TENM3: variants seen among roughly 807,000 people sequenced by gnomAD.
TENM3 encodes teneurin-3.
In TENM3, 63 loss-of-function variants were observed where a neutral mutation model predicts 255.1. The ratio of observed to expected loss-of-function variants is 0.25; its 90% CI spans 0.20 to 0.30. TENM3 has a LOEUF of 0.30. TENM3 is among the 10% of genes least tolerant of loss of function. TENM3 has a pLI of 1.00. For synonymous variants in TENM3, 1,306 were observed against 1,322.3 expected (o/e 0.99, Z 0.27); for missense variants, 2,929 against 3,461.1 (o/e 0.85, Z 3.86).
At chr4:182,534,807 GA>G (rs954237575) in intron 3 of TENM3, among the ~76,000 whole-genome samples, 2 of 152,298 alleles carry the variant, frequency 1.3e-5, no homozygotes, top group African/African-American at 4.8e-5. Flanking sequence ...CGTGGATTTG[GA>G]AAGTGGGATC....
chr4:181,664,660 G>C, the TENM3 span, among the ~76,000 whole-genome samples: 6 of 152,164 alleles, frequency 3.9e-5, no homozygotes, highest in Admixed American at 3.9e-4. Flanking sequence ...CCAAACCTTA[G>C]CACATGGCTT....
chr4:181,652,487 T>A, the TENM3 span, among the ~76,000 whole-genome samples: 1 of 152,212 alleles, frequency 6.6e-6, no homozygotes, highest in Non-Finnish European at 1.5e-5. Context: ...GCTCTTCATC[T>A]TACATTTGTA....
At chr4:181,595,922 G>C in the TENM3 span, among the ~76,000 whole-genome samples, 17 of 152,124 alleles carry the variant, frequency 1.1e-4, no homozygotes, top group African/African-American at 4.8e-5. Flanking sequence ...CCACTCATGC[G>C]AGAGTGCTCC....
chr4:182,511,879 G>A (rs527981025), intron 3 of TENM3, among the ~76,000 whole-genome samples: 4 of 152,238 alleles, frequency 2.6e-5, no homozygotes, highest in Middle Eastern at 3.4e-3. Context: ...TGCTTTACAT[G>A]TATTATATCA....
chr4:182,796,891 G>A, intron 27 of TENM3, 124 bp downstream of exon 27: 2 of 710,860 alleles, frequency 2.8e-6, no homozygotes, highest in Non-Finnish European at 4.2e-6. Context: ...ACTGTTTTAG[G>A]GAAAAAAAAC....
intron 3 of TENM3, among the ~76,000 whole-genome samples, chr4:182,442,477 C>T (rs1206023717): frequency 6.6e-6 from 1 of 152,192 alleles, no homozygotes; most frequent in African/African-American, 2.4e-5. Flanking sequence ...CACCACTGCA[C>T]TAGTCACCAA....
the TENM3 span, among the ~76,000 whole-genome samples, chr4:181,712,585 T>C: frequency 1.3e-5 from 2 of 152,232 alleles, no homozygotes; most frequent in East Asian, 1.9e-4. Context: ...TATTTCTATA[T>C]AGCAATGAGA....
At chr4:181,914,100 A>G in the TENM3 span, among the ~76,000 whole-genome samples, 1 of 152,196 alleles carries the variant, frequency 6.6e-6, no homozygotes, top group African/African-American at 2.4e-5. Context: ...TATCTTTCTA[A>G]AAGCCAAATT....
At chr4:181,629,593 T>C in the TENM3 span, among the ~76,000 whole-genome samples, 3 of 152,212 alleles carry the variant, frequency 2.0e-5, no homozygotes, top group African/African-American at 7.2e-5. Context: ...ATTGAGAAAA[T>C]CACGTGGTTT....
At chr4:182,415,291 G>A (rs915982751) in intron 3 of TENM3, among the ~76,000 whole-genome samples, 16 of 152,192 alleles carry the variant, frequency 1.1e-4, no homozygotes, top group African/African-American at 3.9e-4. Flanking sequence ...AGAGAATGTA[G>A]CATTTCAAAT....
chr4:182,052,086 C>A, the TENM3 span, among the ~76,000 whole-genome samples: 2 of 152,068 alleles, frequency 1.3e-5, no homozygotes, highest in African/African-American at 2.4e-5. Context: ...TAGAGAAGTC[C>A]CCACAGCAAA....
the TENM3 span, among the ~76,000 whole-genome samples, chr4:181,531,798 G>C: frequency 6.6e-6 from 1 of 152,236 alleles, no homozygotes; most frequent in Non-Finnish European, 1.5e-5. Context: ...GTGTGCAGAA[G>C]GCTTCCCTGA....
chr4:182,066,710 A>C, the TENM3 span, among the ~76,000 whole-genome samples: 1 of 151,618 alleles, frequency 6.6e-6, no homozygotes, highest in East Asian at 1.9e-4. Context: ...GGAGATCGAG[A>C]CCGTCCTGGC....
At chr4:181,659,350 C>T in the TENM3 span, among the ~76,000 whole-genome samples, 22 of 152,128 alleles carry the variant, frequency 1.4e-4, no homozygotes, top group Non-Finnish European at 2.6e-4. Context: ...TCTTAATAAA[C>T]TTGCTTTCAC....
chr4:182,221,841 T>C (rs1755868179), intron 1 of TENM3, among the ~76,000 whole-genome samples: 1 of 152,350 alleles, frequency 6.6e-6, no homozygotes, highest in Non-Finnish European at 1.5e-5. Context: ...GCAAATGTCA[T>C]CCTCTCTTTG....
chr4:182,768,334 TTGTTTCCAC>T (rs1344981711), intron 22 of TENM3, among the ~76,000 whole-genome samples: 1 of 152,204 alleles, frequency 6.6e-6, no homozygotes, highest in Non-Finnish European at 1.5e-5. Context: ...GAACTGCAAA[TTGTTTCCAC>T]TTGAATAAAT....
chr4:181,520,138 C>G, the TENM3 span, among the ~76,000 whole-genome samples: 1 of 152,172 alleles, frequency 6.6e-6, no homozygotes, highest in African/African-American at 2.4e-5. Context: ...CTTTTCAAGC[C>G]TAGCCATCCT....
At chr4:182,157,269 G>A (rs1157430424) in intron 1 of TENM3, among the ~76,000 whole-genome samples, 1 of 152,190 alleles carries the variant, frequency 6.6e-6, no homozygotes, top group Non-Finnish European at 1.5e-5. Flanking sequence ...ACCCAGTCGA[G>A]GCCGGAGATA....
chr4:182,242,548 C>T (rs1757350843), upstream of TENM3, among the ~76,000 whole-genome samples: 1 of 151,966 alleles, frequency 6.6e-6, no homozygotes, highest in Non-Finnish European at 1.5e-5. Context: ...ATTGCTTGAG[C>T]CCAGGAGTTT....
Sources: allele counts gnomAD v4.1 joint callset (sites outside exome capture counted in the v4.1 genomes callset), GRCh38; gene constraint gnomAD v4.1.1; transcripts MANE v1.5; gene names NCBI Gene and HGNC (gene_info 2026-07-23, HGNC 2026-07-21).